Variants in PAPOLA observed in about 807,000 individuals in gnomAD.
PAPOLA encodes the protein polynucleotide adenylyltransferase alpha.
A neutral mutation model predicts 100.6 loss-of-function variants in PAPOLA; 15 were observed. That is an observed-to-expected ratio of 0.15 (90% confidence interval 0.10 to 0.23). The LOEUF (loss-of-function observed/expected upper bound fraction) is 0.23. Ranked by LOEUF, PAPOLA falls within the 10% of genes least tolerant of loss-of-function variation. The pLI, the probability that PAPOLA is intolerant of heterozygous loss-of-function variation, is 1.00. For synonymous variants in PAPOLA, 293 were observed against 300.0 expected (o/e 0.98, Z 0.24); for missense variants, 533 against 884.2 (o/e 0.60, Z 5.04).
intron 6 of PAPOLA, among the ~76,000 whole-genome samples, chr14:96,528,923 C>T (rs190570916): frequency 9.2e-5 from 14 of 152,050 alleles, no homozygotes; most frequent in Non-Finnish European, 1.0e-4. Flanking sequence ...TTTAAGTAAA[C>T]GTAAAAATAA....
intron 1 of PAPOLA, among the ~76,000 whole-genome samples, chr14:96,515,921 T>A (rs1897420346): frequency 6.6e-6 from 1 of 152,214 alleles, no homozygotes; most frequent in Admixed American, 6.5e-5. Context: ...CTTTGCATTC[T>A]TGGGATTGGT....
intron 1 of PAPOLA, among the ~76,000 whole-genome samples, chr14:96,518,442 T>A (rs1437299614): frequency 6.6e-6 from 1 of 151,656 alleles, no homozygotes; most frequent in Non-Finnish European, 1.5e-5. Context: ...GGAGTCTCGC[T>A]CTGTCCCCCA....
intron 1 of PAPOLA, among the ~76,000 whole-genome samples, chr14:96,518,214 T>C (rs1056329642): frequency 5.3e-5 from 8 of 152,226 alleles, no homozygotes; most frequent in Non-Finnish European, 1.2e-4. Context: ...AGTAAATAGA[T>C]GACACGCAGT....
chr14:96,542,465 A>G, intron 13 of PAPOLA, 169 bp downstream of exon 13: 1 of 564,788 alleles, frequency 1.8e-6, no homozygotes, highest in Non-Finnish European at 3.1e-6. Flanking sequence ...CAGGAGATCC[A>G]TATGCAACTT....
At chr14:96,562,241 C>G (rs1396813533) in intron 20 of PAPOLA, among the ~76,000 whole-genome samples, 3 of 151,672 alleles carry the variant, frequency 2.0e-5, no homozygotes, top group Non-Finnish European at 4.4e-5. Flanking sequence ...CTTTTGTGTA[C>G]TGCTTTTAAA....
intron 1 of PAPOLA, among the ~76,000 whole-genome samples, chr14:96,507,347 G>A (rs1419256352): frequency 7.2e-6 from 1 of 138,356 alleles, no homozygotes; most frequent in African/African-American, 2.8e-5. Context: ...GAGTGCTGTG[G>A]CGCGATCTCC....
rs35319150 is a variant in PAPOLA at position 96,543,561 on chromosome 14, AT to A, written c.1290-581del. 9.7e-3 allele frequency among the ~76,000 whole-genome samples: 1,466 copies of A among 151,352 alleles called. 81 individuals carry two copies. The East Asian group carries it at 0.14, about 15-fold the overall frequency. ...TACAGTATTCTTATTGATTATATAG[AT>A]TTTTTTATTTTGTAATTATATAAGA... On this transcript the variant is annotated intron_variant, in intron 14 of 21. Transcript: ENST00000216277.
At chr14:96,559,425 C>A (rs528811117) in intron 19 of PAPOLA, among the ~76,000 whole-genome samples, 1 of 151,862 alleles carries the variant, frequency 6.6e-6, no homozygotes, top group African/African-American at 2.4e-5. Context: ...GTTTTAGATA[C>A]TCTGAGGTAG....
At chr14:96,504,780 A>G (rs1481921477) in intron 1 of PAPOLA, 1 of 152,222 alleles carries the variant, frequency 6.6e-6, no homozygotes, top group Non-Finnish European at 1.5e-5. Context: ...CTTCTTCCTC[A>G]TTAAGTTGCT....
intron 1 of PAPOLA, among the ~76,000 whole-genome samples, chr14:96,508,694 A>T (rs557907714): frequency 4.1e-4 from 63 of 152,346 alleles, no homozygotes; most frequent in African/African-American, 1.5e-3. Context: ...TCTTTCAGGT[A>T]AAATGAGACC....
rs764874250 is a variant in PAPOLA at position 96,528,012 on chromosome 14, G to A, written c.495+6G>A. On this transcript the variant is annotated splice_donor_region_variant and intron_variant, in intron 6 of 21. Coordinates refer to ENST00000216277, the MANE Select transcript of PAPOLA (RefSeq NM_032632.5). ...TCTGTTTTGATGGGATAGAGGTAAG[G>A]TATAGTTCAAATTGACAGTTCTTGC... is the stretch of plus-strand genomic sequence containing the variant. The A allele has an allele frequency of 1.3e-5, 21 of 1,580,394 alleles. No individual in the cohort carries two copies. In the South Asian group the frequency reaches 2.2e-4, roughly 17 times the overall value.
rs1428091273 is a variant in PAPOLA at position 96,565,449 on chromosome 14, C to A, written c.*399C>A. ...ATGTATTTTTCATTAGAAAGTAGAA[C>A]TAATTTTAGATTTTCAGCTTGATGG... On this transcript the variant is annotated 3_prime_UTR_variant, in exon 22 of 22. Coordinates refer to ENST00000216277, the MANE Select transcript of PAPOLA (RefSeq NM_032632.5). 9 of 351,070 alleles carry A rather than the reference C, an allele frequency of 2.6e-5. No individual in the cohort carries two copies. Among genetic ancestry groups the A allele is most frequent in the Non-Finnish European group, 4.1e-5 (8 of 195,556 alleles). 21.7% of individuals were successfully genotyped at this position (351,070 alleles called of 1,614,324 possible). A position where few individuals can be genotyped will look rare whatever the true frequency, so the allele number is the denominator to read the frequency against.
intron 16 of PAPOLA, among the ~76,000 whole-genome samples, chr14:96,550,796 T>C (rs1339757939): frequency 6.6e-6 from 1 of 152,256 alleles, no homozygotes; most frequent in South Asian, 2.1e-4. Flanking sequence ...ACTTTCTTGC[T>C]TAATAACAAG....
intron 17 of PAPOLA, among the ~76,000 whole-genome samples, chr14:96,555,601 A>C (rs912498193): frequency 6.6e-6 from 1 of 152,204 alleles, no homozygotes. Context: ...AGTAGCACAG[A>C]TATAGAACAT....
intron 1 of PAPOLA, among the ~76,000 whole-genome samples, chr14:96,518,600 G>A (rs960403871): frequency 2.0e-5 from 3 of 151,964 alleles, no homozygotes; most frequent in East Asian, 3.9e-4. Flanking sequence ...TAGTAGAGAC[G>A]GGGTTTCACT....
At chr14:96,534,951 G>A (rs1343206203) in intron 10 of PAPOLA, 1 of 991,336 alleles carries the variant, frequency 1.0e-6, no homozygotes, top group Non-Finnish European at 1.2e-6. Context: ...TAGGAAAGCT[G>A]TTACTTAATG....
At chr14:96,533,356 CAA>C (rs1305471211) in intron 9 of PAPOLA, 4 of 982,060 alleles carry the variant, frequency 4.1e-6, no homozygotes, top group Non-Finnish European at 4.8e-6. Context: ...CCTCCCTCTG[CAA>C]AAGAGATGTT....
chr14:96,532,299 TG>T, intron 7 of PAPOLA, 31 bp from the exon 8 acceptor site: 3 of 1,588,944 alleles, frequency 1.9e-6, no homozygotes, highest in South Asian at 1.2e-5. Context: ...TGTGTGTGTG[TG>T]TGTGTGTTTT....
rs781019286 is a variant in PAPOLA, at chr14:96,535,907, T to A, written c.938T>A (p.Met313Lys). The A allele has an allele frequency of 6.2e-7, 1 of 1,605,524 alleles. No individual in the cohort carries two copies. Among genetic ancestry groups the A allele is most frequent in the African/African-American group, 1.3e-5 (1 of 74,744 alleles). Residue 313 changes from methionine (M) to lysine (K), a missense_variant, in exon 11 of 22, where the codon ATG becomes AAG. Physicochemically the swap from Met to Lys is moderately conservative, Grantham distance 95. This residue lies in a region of PAPOLA where 87 missense variants were observed against 173.3 expected (regional missense o/e 0.50). Transcript: ENST00000216277. ...AACCCCAGTGATAGGTACCATCTTA[T>A]GCCTATAATTACACCAGCATACCCA... ...RVNPSDRYHL[M>K]PIITPAYPQQ...
Sources: allele counts gnomAD v4.1 joint callset (sites outside exome capture counted in the v4.1 genomes callset), GRCh38; gene constraint gnomAD v4.1.1; regional missense constraint gnomAD v4.1.1; transcripts MANE v1.5; gene names NCBI Gene and HGNC (gene_info 2026-07-23, HGNC 2026-07-21).